FAM133A: variants seen among roughly 807,000 people sequenced by gnomAD.
The protein encoded by FAM133A is family with sequence similarity 133 member A, also known as protein FAM133A.
For missense variants in FAM133A, 159 were observed against 164.4 expected (o/e 0.97, Z 0.18); for synonymous variants, 65 against 58.6 (o/e 1.11, Z -0.50).
At position 93,710,436 on chromosome X, in the gene FAM133A, A is replaced by G; in HGVS notation, c.*270A>G. 1 of 265,507 alleles carries G rather than the reference A, an allele frequency of 3.8e-6. No individual in the cohort carries two copies. Among genetic ancestry groups the G allele is most frequent in the Non-Finnish European group, 7.0e-6 (1 of 143,460 alleles). 21.9% of individuals were successfully genotyped at this position (265,507 alleles called of 1,213,427 possible). A position where few individuals can be genotyped will look rare whatever the true frequency, so the allele number is the denominator to read the frequency against. ...ATAATGAATAACTTTGACAAAAAAA[A>G]GTGTATCTAAGGTTAAATGTATCTA... On this transcript the variant is annotated 3_prime_UTR_variant, in exon 4 of 4. Coordinates refer to ENST00000683942, the MANE Select transcript of FAM133A (RefSeq NM_001171109.2).
chrX:93,703,592 A>ATTGGCAT (rs1163486648), intron 3 of FAM133A, among the ~76,000 whole-genome samples: 1 of 112,511 alleles, frequency 8.9e-6, no homozygotes, highest in Non-Finnish European at 1.9e-5. Flanking sequence ...ATATCACTTG[A>ATTGGCAT]TTGGCATAAA....
intron 2 of FAM133A, among the ~76,000 whole-genome samples, chrX:93,697,056 C>A (rs1341338048): frequency 3.7e-5 from 4 of 108,835 alleles, no homozygotes; most frequent in Admixed American, 9.9e-5. Flanking sequence ...GTATAAGAAT[C>A]AACCGGAGAC....
At chrX:93,681,807 C>G (rs1294080794) in intron 2 of FAM133A, among the ~76,000 whole-genome samples, 1 of 111,927 alleles carries the variant, frequency 8.9e-6, no homozygotes, top group East Asian at 2.8e-4. Context: ...AAAGAATAAG[C>G]ATTTTTTTGT....
intron 2 of FAM133A, among the ~76,000 whole-genome samples, chrX:93,675,286 A>C (rs1332731229): frequency 8.9e-6 from 1 of 111,924 alleles, no homozygotes; most frequent in Non-Finnish European, 1.9e-5. Flanking sequence ...GTGCATATAC[A>C]TACCTGCCTA....
chrX:93,677,235 A>G (rs1346414932), intron 2 of FAM133A, among the ~76,000 whole-genome samples: 1 of 110,608 alleles, frequency 9.0e-6, no homozygotes, highest in Non-Finnish European at 1.9e-5. Flanking sequence ...GACTGAACAT[A>G]GTACATTAAC....
At chrX:93,695,951 T>G (rs1926234299) in intron 2 of FAM133A, among the ~76,000 whole-genome samples, 1 of 111,351 alleles carries the variant, frequency 9.0e-6, no homozygotes, top group Non-Finnish European at 1.9e-5. Context: ...GCCAGGAATC[T>G]GCATTTTTAA....
At chrX:93,704,527 T>A (rs1223478239) in intron 3 of FAM133A, among the ~76,000 whole-genome samples, 2 of 111,876 alleles carry the variant, frequency 1.8e-5, no homozygotes, top group Non-Finnish European at 3.8e-5. Flanking sequence ...AAAAGATGTT[T>A]CAACTCAAAT....
At chrX:93,703,911 A>G (rs1320916990) in intron 3 of FAM133A, among the ~76,000 whole-genome samples, 1 of 112,030 alleles carries the variant, frequency 8.9e-6, no homozygotes, top group Non-Finnish European at 1.9e-5. Context: ...TTTCCTTAGA[A>G]TGACAAATGC....
chrX:93,685,701 A>G (rs1042927528), intron 2 of FAM133A, among the ~76,000 whole-genome samples: 2 of 112,073 alleles, frequency 1.8e-5, no homozygotes, highest in African/African-American at 6.5e-5. Flanking sequence ...CGTTCCAACC[A>G]TCATTTCACT....
At chrX:93,701,105 G>C (rs749525853) in intron 3 of FAM133A, among the ~76,000 whole-genome samples, 1 of 111,032 alleles carries the variant, frequency 9.0e-6, no homozygotes, top group African/African-American at 3.3e-5. Flanking sequence ...ATTGCAAATC[G>C]GTTTGTATGC....
intron 2 of FAM133A, among the ~76,000 whole-genome samples, chrX:93,696,098 A>G (rs910977477): frequency 1.8e-5 from 2 of 111,773 alleles, no homozygotes; most frequent in Non-Finnish European, 1.9e-5. Flanking sequence ...CTGTTAACTG[A>G]CTGAATTGGT....
chrX:93,676,490 G>A (rs1240119324), intron 2 of FAM133A, among the ~76,000 whole-genome samples: 4 of 110,897 alleles, frequency 3.6e-5, no homozygotes. Flanking sequence ...TTAATCAATG[G>A]TGAAATCCTA....
intron 2 of FAM133A, among the ~76,000 whole-genome samples, chrX:93,690,765 T>C (rs1925835206): frequency 8.9e-6 from 1 of 111,946 alleles, no homozygotes; most frequent in Non-Finnish European, 1.9e-5. Flanking sequence ...TGTTGTATGG[T>C]ATATTTGTGA....
intron 3 of FAM133A, among the ~76,000 whole-genome samples, chrX:93,708,314 CA>C (rs1927178433): frequency 8.9e-6 from 1 of 111,807 alleles, no homozygotes; most frequent in Non-Finnish European, 1.9e-5. Flanking sequence ...AGAAGTAGGG[CA>C]GATCATATAG....
chrX:93,688,196 G>T (rs141172294), intron 2 of FAM133A, among the ~76,000 whole-genome samples: 2 of 107,556 alleles, frequency 1.9e-5, no homozygotes, highest in African/African-American at 6.8e-5. Flanking sequence ...TGGGATTGCT[G>T]GATCATATGG....
intron 3 of FAM133A, among the ~76,000 whole-genome samples, chrX:93,703,492 G>A (rs1232136084): frequency 8.9e-6 from 1 of 111,921 alleles, no homozygotes; most frequent in African/African-American, 3.2e-5. Flanking sequence ...AGAGAAACTA[G>A]ATGCAGGGGA....
chrX:93,710,196 C>T lies in FAM133A; in HGVS notation c.*30C>T. On this transcript the variant is annotated 3_prime_UTR_variant, in exon 4 of 4. Transcript: ENST00000683942. ...AAGAAAAAAAGCAAGAATGAGTTTG[C>T]CGAGTTCCCCTGTGTTAGTAGAATT... is the stretch of plus-strand genomic sequence containing the variant. 1.8e-6 allele frequency: 2 copies of T among 1,138,467 alleles called. No individual in the cohort carries two copies. The highest frequency in any genetic ancestry group is 2.3e-6 in the Non-Finnish European group (2 of 865,969). The allele number at this position is 1,138,467 out of a possible 1,213,427, so 93.8% of individuals were successfully genotyped here. A position where few individuals can be genotyped will look rare whatever the true frequency, so the allele number is the denominator to read the frequency against.
chrX:93,702,837 TAAAAAAAAAA>T (rs33985910), intron 3 of FAM133A, among the ~76,000 whole-genome samples: 3 of 43,032 alleles, frequency 7.0e-5, no homozygotes, highest in Non-Finnish European at 1.2e-4. Context: ...ATAGCTATGA[TAAAAAAAAAA>T]AAAAAAAAAA....
chrX:93,694,461 C>A (rs2147626026), intron 2 of FAM133A, among the ~76,000 whole-genome samples: 1 of 111,202 alleles, frequency 9.0e-6, no homozygotes, highest in African/African-American at 3.3e-5. Flanking sequence ...AAAACACCTG[C>A]AAAATTAACC....
Sources: gnomAD v4.1 joint callset for allele counts (sites outside exome capture counted in the v4.1 genomes callset) on GRCh38, gnomAD v4.1.1 for gene constraint, MANE v1.5 for transcripts, NCBI Gene and HGNC (gene_info 2026-07-23, HGNC 2026-07-21) for gene names.